Variants in NRG3 observed in about 807,000 individuals in gnomAD.
NRG3 encodes the protein neuregulin 3.
A neutral mutation model predicts 66.9 loss-of-function variants in NRG3; 31 were observed. That is an observed-to-expected ratio of 0.46 (90% CI 0.35 to 0.63). The LOEUF is 0.63. NRG3 is among the 20% of genes least tolerant of loss of function. The probability of loss-of-function intolerance (pLI) is 0.00; values close to 1 mark genes in which losing one functional copy is unlikely to be tolerated. For synonymous variants in NRG3, 393 were observed against 359.4 expected, an observed-to-expected ratio of 1.09 and a Z score of -1.06; for missense variants, 910 against 878.9, an observed-to-expected ratio of 1.04 and a Z score of -0.45.
intron 2 of NRG3, among the ~76,000 whole-genome samples, chr10:82,703,639 G>A (rs1427955634): frequency 6.6e-6 from 1 of 152,078 alleles, no homozygotes; most frequent in African/African-American, 2.4e-5. Flanking sequence ...GGGTTTTATT[G>A]TTAATTTCCT....
At chr10:82,755,856 G>A (rs186668248) in intron 3 of NRG3, among the ~76,000 whole-genome samples, 8 of 152,054 alleles carry the variant, frequency 5.3e-5, no homozygotes, top group South Asian at 2.1e-4. Flanking sequence ...GTTTAATGTC[G>A]CAATCAAACA....
chr10:82,224,332 A>G (rs1052012391), intron 1 of NRG3: 1 of 152,170 alleles, frequency 6.6e-6, no homozygotes, highest in South Asian at 2.1e-4. Context: ...TTTCTTTGCC[A>G]GGTTATCTTC....
At position 82,150,227 on chromosome 10, in the gene NRG3, A is replaced by G. The variant is rs545609958; in HGVS notation, c.824-208512A>G. Among the ~76,000 whole-genome samples the G allele has an allele frequency of 1.1e-4, 16 of 152,212 alleles. No individual in the cohort carries two copies. The East Asian group carries it at 3.1e-3, about 30-fold the overall frequency. ...TGCCAGCTCTCTGCACATATTTTAC[A>G]TATCACCCATTTGCAGGTGTTGAAG... On this transcript the variant is annotated intron_variant, in intron 1 of 8. Coordinates refer to ENST00000372141, the MANE Select transcript of NRG3 (RefSeq NM_001010848.4).
At chr10:82,168,704 G>A (rs2072308694) in intron 1 of NRG3, among the ~76,000 whole-genome samples, 2 of 152,132 alleles carry the variant, frequency 1.3e-5, no homozygotes, top group African/African-American at 4.8e-5. Flanking sequence ...TAACCCAGCA[G>A]TGTGGAGTGG....
intron 1 of NRG3, among the ~76,000 whole-genome samples, chr10:81,916,124 T>C (rs1028418454): frequency 6.6e-6 from 1 of 152,186 alleles, no homozygotes. Flanking sequence ...TACTTTTTAC[T>C]TAGAGCATGT....
chr10:82,141,973 C>T (rs745344489), intron 1 of NRG3, among the ~76,000 whole-genome samples: 2 of 152,166 alleles, frequency 1.3e-5, no homozygotes, highest in African/African-American at 2.4e-5. Flanking sequence ...CAAAGGTTCT[C>T]ACATTTTATG....
intron 4 of NRG3, among the ~76,000 whole-genome samples, chr10:82,938,712 G>T (rs1389339863): frequency 6.6e-6 from 1 of 152,194 alleles, no homozygotes; most frequent in Non-Finnish European, 1.5e-5. Context: ...AAGTTAAACG[G>T]TCTTTAGTGG....
chr10:82,070,397 TTGTAA>T (rs1439068548), intron 1 of NRG3, among the ~76,000 whole-genome samples: 1 of 152,182 alleles, frequency 6.6e-6, no homozygotes, highest in Non-Finnish European at 1.5e-5. Flanking sequence ...TAAGTTAAAC[TTGTAA>T]TGTCAAAAAA....
intron 4 of NRG3, among the ~76,000 whole-genome samples, chr10:82,892,067 G>C (rs1843201748): frequency 6.6e-6 from 1 of 152,100 alleles, no homozygotes; most frequent in African/African-American, 2.4e-5. Context: ...TAGTTTTCAA[G>C]TGTTAAACCA....
At chr10:82,526,805 A>G (rs1846748854) in intron 2 of NRG3, among the ~76,000 whole-genome samples, 2 of 152,082 alleles carry the variant, frequency 1.3e-5, no homozygotes, top group African/African-American at 2.4e-5. Flanking sequence ...GGAATGAGTT[A>G]GAAGAATTGA....
chr10:82,065,794 C>A (rs2064420238), intron 1 of NRG3, among the ~76,000 whole-genome samples: 2 of 152,100 alleles, frequency 1.3e-5, no homozygotes. Flanking sequence ...TTTTTAGATG[C>A]AATAACCAGA....
At chr10:82,322,068 G>A (rs576442283) in intron 1 of NRG3, among the ~76,000 whole-genome samples, 1 of 152,232 alleles carries the variant, frequency 6.6e-6, no homozygotes, top group African/African-American at 2.4e-5. Context: ...TATTCTCCTG[G>A]CATAGTACAG....
At chr10:82,781,257 T>C (rs2060108805) in intron 3 of NRG3, among the ~76,000 whole-genome samples, 1 of 152,236 alleles carries the variant, frequency 6.6e-6, no homozygotes, top group Non-Finnish European at 1.5e-5. Flanking sequence ...GATGAGTCTA[T>C]GCCATCTCAT....
rs1233928855 is a variant in NRG3, at chr10:82,545,860, T to A, written c.953+186992T>A. 4.3e-5 allele frequency among the ~76,000 whole-genome samples: 6 copies of A among 139,750 alleles called. No homozygotes were observed. In the Admixed American group the frequency reaches 4.7e-4, roughly 11 times the overall value. The allele number at this position is 139,750 out of a possible 152,430, so 91.7% of individuals were successfully genotyped here. On this transcript the variant is annotated intron_variant, in intron 2 of 8. Transcript: ENST00000372141. Reference sequence around the variant, plus strand: ...TGGAGTGCAGTGGCACAATCTAGGCTCACTGCAAGCTCCTCCTCCCGGGTT... The same window carrying A: ...TGGAGTGCAGTGGCACAATCTAGGCACACTGCAAGCTCCTCCTCCCGGGTT...
chr10:82,250,203 A>T (rs2077418538), intron 1 of NRG3, among the ~76,000 whole-genome samples: 4 of 152,212 alleles, frequency 2.6e-5, no homozygotes, highest in African/African-American at 9.7e-5. Flanking sequence ...CAACTAAAAT[A>T]TGCCACAAAA....
intron 1 of NRG3, among the ~76,000 whole-genome samples, chr10:81,919,111 C>A (rs1846001275): frequency 6.6e-6 from 1 of 152,140 alleles, no homozygotes; most frequent in Non-Finnish European, 1.5e-5. Context: ...AGTAACCCAT[C>A]TGTTGAATTC....
rs1296755190 is a variant in NRG3 at position 82,747,967 on chromosome 10, G to GT, written c.1027+9318dup. On this transcript the variant is annotated intron_variant, in intron 3 of 8. Coordinates refer to ENST00000372141, the MANE Select transcript of NRG3 (RefSeq NM_001010848.4). ...GTTAGTGTGTAGTTTTATATTAAGAGTAATATGTTTAAAAACACATTTAAT... is the reference window on the plus strand; with the variant it reads ...GTTAGTGTGTAGTTTTATATTAAGAGTTAATATGTTTAAAAACACATTTAAT... Among the ~76,000 whole-genome samples the GT allele has an allele frequency of 4.0e-5, 6 of 151,516 alleles. No homozygotes were observed. The East Asian group carries it at 1.2e-3, about 29-fold the overall frequency.
In NRG3 at chr10:82,666,520, TA is replaced by T. The variant is rs1185939617; in HGVS notation, c.954-72049del. 3.9e-5 allele frequency among the ~76,000 whole-genome samples: 6 copies of T among 152,164 alleles called. No individual in the cohort carries two copies. The East Asian group carries it at 9.6e-4, about 24-fold the overall frequency. On this transcript the variant is annotated intron_variant, in intron 2 of 8. Coordinates refer to ENST00000372141, the MANE Select transcript of NRG3 (RefSeq NM_001010848.4). Reference sequence around the variant, plus strand: ...CACTACTCTTTCCCTTATTTGCATCTAAAAAAAATTGATTTTCTGTCTCTCA... The same window carrying T: ...CACTACTCTTTCCCTTATTTGCATCTAAAAAAATTGATTTTCTGTCTCTCA...
At chr10:82,650,619 G>A (rs1010858599) in intron 2 of NRG3, among the ~76,000 whole-genome samples, 5 of 152,180 alleles carry the variant, frequency 3.3e-5, no homozygotes, top group African/African-American at 1.2e-4. Context: ...TGCATGTCAT[G>A]GAATGCTGGG....
Sources: allele counts gnomAD v4.1 joint callset (sites outside exome capture counted in the v4.1 genomes callset), GRCh38; gene constraint gnomAD v4.1.1; transcripts MANE v1.5; gene names NCBI Gene and HGNC (gene_info 2026-07-23, HGNC 2026-07-21).